The following ZNF790 variants were observed in gnomAD, a reference collection of about 807,000 sequenced individuals.
ZNF790 encodes the protein zinc finger protein 790.
A neutral mutation model predicts 12.1 loss-of-function variants in ZNF790; 8 were observed. That is an observed-to-expected ratio of 0.66 (90% CI 0.39 to 1.19). The LOEUF (loss-of-function observed/expected upper bound fraction) is 1.19. Among genes scored for constraint, ZNF790 ranks in the 50% most tolerant of loss-of-function variants. The pLI is 0.01. For missense variants in ZNF790, 707 were observed against 752.2 expected, an observed-to-expected ratio of 0.94 and a Z score of 0.70; for synonymous variants, 252 against 244.3, an observed-to-expected ratio of 1.03 and a Z score of -0.29.
upstream of ZNF790, chr19:36,850,380 C>T (rs1046798754): frequency 6.6e-6 from 1 of 152,256 alleles, no homozygotes; most frequent in Non-Finnish European, 1.5e-5. Context: ...AAAGCTTGCC[C>T]CAGAGGACTT....
rs984962767 is a variant in ZNF790, at chr19:36,817,795, AT to A, written c.*637del. The A allele has an allele frequency of 1.3e-5, 2 of 152,274 alleles. No homozygotes were observed. The highest frequency in any genetic ancestry group is 1.3e-4 in the Admixed American group (2 of 15,284). The allele number at this position is 152,274 out of a possible 1,614,324, so 9.4% of individuals were successfully genotyped here. A position where few individuals can be genotyped will look rare whatever the true frequency, so the allele number is the denominator to read the frequency against. Reference sequence around the variant, plus strand: ...AACAGAATTTTGCTAATGATGAAAGATTTCCAAAATGAATTATATATAAATT... The same window carrying A: ...AACAGAATTTTGCTAATGATGAAAGATTCCAAAATGAATTATATATAAATT... On this transcript the variant is annotated 3_prime_UTR_variant, in exon 5 of 5. Coordinates refer to ENST00000356725, the MANE Select transcript of ZNF790 (RefSeq NM_206894.4).
At chr19:36,836,959 T>C (rs1040431443) in intron 1 of ZNF790, among the ~76,000 whole-genome samples, 2 of 152,168 alleles carry the variant, frequency 1.3e-5, no homozygotes, top group African/African-American at 4.8e-5. Flanking sequence ...GTCTCACTTT[T>C]GCTGTTCTCC....
chr19:36,825,133 A>G (rs1244407495), intron 2 of ZNF790, among the ~76,000 whole-genome samples: 2 of 152,214 alleles, frequency 1.3e-5, no homozygotes, highest in Non-Finnish European at 2.9e-5. Flanking sequence ...AAAATCCCAG[A>G]TCTCTTTGAA....
chr19:36,828,463 CAA>C (rs957484149), intron 1 of ZNF790, among the ~76,000 whole-genome samples: 10 of 116,692 alleles, frequency 8.6e-5, no homozygotes, highest in African/African-American at 9.5e-5. Flanking sequence ...AACCCCTTCT[CAA>C]AAAAAAAAAA....
upstream of ZNF790, among the ~76,000 whole-genome samples, chr19:36,840,552 T>C (rs1261989514): frequency 6.6e-6 from 1 of 152,184 alleles, no homozygotes; most frequent in African/African-American, 2.4e-5. Flanking sequence ...GCCTAACACA[T>C]ACCAGAATTT....
Position 36,848,439 on chromosome 19 carries a change from GT to G in ZNF790, c.-74+1562del, listed in dbSNP as rs2072200464. Reference sequence around the variant, plus strand: ...ACCCCACAGGCGTTTTCTTTTTTCTGTTTTTTAGGAGACATTGGTGGGGTAA... The same window carrying G: ...ACCCCACAGGCGTTTTCTTTTTTCTGTTTTTAGGAGACATTGGTGGGGTAA... On this transcript the variant is annotated intron_variant, in intron 1 of 4. Coordinates refer to the ZNF790 transcript ENST00000528994. Among the ~76,000 whole-genome samples, 6 of 152,022 alleles carry G rather than the reference GT, an allele frequency of 3.9e-5. No individual in the cohort carries two copies. The South Asian group carries it at 1.3e-3, about 32-fold the overall frequency.
intron 1 of ZNF790, among the ~76,000 whole-genome samples, chr19:36,834,890 G>A (rs957069280): frequency 1.3e-5 from 2 of 152,192 alleles, no homozygotes; most frequent in African/African-American, 4.8e-5. Flanking sequence ...CCATGATCTT[G>A]AGCATGCTAA....
In ZNF790 at chr19:36,819,692, T is replaced by G; in HGVS notation, c.652A>C (p.Thr218Pro). 6.2e-7 allele frequency: 1 copy of G among 1,613,564 alleles called. No homozygotes were observed. Among genetic ancestry groups the G allele is most frequent in the Non-Finnish European group, 8.5e-7 (1 of 1,179,762 alleles). The change falls in exon 5 of 5, where the codon ACA becomes CCA. Residue 218 changes from threonine (T) to proline (P), a missense_variant. Physicochemically the swap from Thr to Pro is conservative, Grantham distance 38. Transcript: ENST00000356725. The stretch of plus-strand genomic sequence containing the variant: ...TATGTTTTCTTAACAGTGTGAACTG[T>G]CTGATATTGAATAACTTCTGAATCA... Reference protein sequence around the residue: ...LPDSEVIQYQTVHTVKKTYEC... With the variant: ...LPDSEVIQYQPVHTVKKTYEC...
intron 1 of ZNF790, among the ~76,000 whole-genome samples, chr19:36,826,620 C>CTATA (rs10650852): frequency 0.77 from 111,708 of 144,692 alleles, 43,806 homozygotes; most frequent in African/African-American, 0.86. Context: ...TTATAATTAT[C>CTATA]TATAATTATA....
chr19:36,819,498 A>AT lies in ZNF790; in HGVS notation c.845dup (p.Tyr282Ter), dbSNP rs2071618709. The AT allele has an allele frequency of 1.9e-6, 3 of 1,612,202 alleles. No individual in the cohort carries two copies. The highest frequency in any genetic ancestry group is 2.5e-6 in the Non-Finnish European group (3 of 1,178,878). Residue 282 changes from tyrosine to a stop codon, truncating the protein, a stop_gained and frameshift_variant, in exon 5 of 5, where the codon TAT becomes TAAT. Transcript: ENST00000356725. LOFTEE classifies it low-confidence loss of function (END_TRUNC). ...HKRIHTGEKS[Y>*]ECKECGKAFS... is the part of the protein sequence containing the mutation. ...AGGCCTTCCCACATTCCTTACATTCATAAGATTTCTCACCAGTATGAATTC... is the reference window on the plus strand; with the variant it reads ...AGGCCTTCCCACATTCCTTACATTCATTAAGATTTCTCACCAGTATGAATTC...
intron 1 of ZNF790, among the ~76,000 whole-genome samples, chr19:36,835,320 C>T (rs1453604318): frequency 1.3e-5 from 2 of 152,098 alleles, no homozygotes; most frequent in African/African-American, 4.8e-5. Context: ...TTCATTAATA[C>T]ACCTCTCTCA....
Position 36,847,118 on chromosome 19 carries a change from G to A in ZNF790, c.-74+2884C>T, listed in dbSNP as rs1568345329. On this transcript the variant is annotated intron_variant, in intron 1 of 4. Transcript: ENST00000528994. ...CACCTGTAATCCCAGCACTTTGAGAGGCCAAGGCAGGCAGATCATGAGGTT... is the reference window on the plus strand; with the variant it reads ...CACCTGTAATCCCAGCACTTTGAGAAGCCAAGGCAGGCAGATCATGAGGTT... 2.6e-5 allele frequency among the ~76,000 whole-genome samples: 4 copies of A among 152,276 alleles called. No individual in the cohort carries two copies. The South Asian group carries it at 8.3e-4, about 32-fold the overall frequency.
rs117284588 is a variant in ZNF790, at chr19:36,846,119, C to G, written c.-74+3883G>C. Among the ~76,000 whole-genome samples, 965 of 151,892 alleles carry G rather than the reference C, an allele frequency of 6.4e-3. 7 individuals are homozygous for G. Among genetic ancestry groups the G allele is most frequent in the Middle Eastern group, 0.014 (4 of 294 alleles). On this transcript the variant is annotated intron_variant, in intron 1 of 4. Transcript: ENST00000528994. ...CCACCACACCTGGCCCCAATCTTAT[C>G]TTTATCTGGAATATGATATATTTCA... is the stretch of plus-strand genomic sequence containing the variant.
chr19:36,823,847 T>A, intron 2 of ZNF790, 57 bp from the exon 3 acceptor site: 1 of 1,504,366 alleles, frequency 6.6e-7, no homozygotes, highest in Non-Finnish European at 9.0e-7. Flanking sequence ...ATAATTATAA[T>A]CCCTATAGAT....
upstream of ZNF790, among the ~76,000 whole-genome samples, chr19:36,839,528 A>C (rs1393424702): frequency 6.6e-6 from 1 of 152,078 alleles, no homozygotes; most frequent in Admixed American, 6.5e-5. Flanking sequence ...AGCCTCCAGA[A>C]TAGCTGGGAC....
chr19:36,827,117 TACACAC>T (rs760453936), intron 1 of ZNF790, among the ~76,000 whole-genome samples: 4 of 60,932 alleles, frequency 6.6e-5, no homozygotes, highest in African/African-American at 1.9e-4. Flanking sequence ...TATATACACA[TACACAC>T]ACACACACAC....
upstream of ZNF790, among the ~76,000 whole-genome samples, chr19:36,842,960 G>C (rs1024415257): frequency 7.3e-6 from 1 of 136,320 alleles, no homozygotes; most frequent in Admixed American, 8.3e-5. Flanking sequence ...AGCCAAGATC[G>C]CACCACCACA....
chr19:36,822,871 G>A (rs2071705369), intron 4 of ZNF790, among the ~76,000 whole-genome samples: 1 of 151,536 alleles, frequency 6.6e-6, no homozygotes, highest in East Asian at 1.9e-4. Context: ...TTTCCCCTGA[G>A]ACAGAGTCTC....
In ZNF790 at chr19:36,822,207, C is replaced by T. The variant is rs571352879; in HGVS notation, c.229+1078G>A. ...AGAACTAATAAATGCAGGCAATGTA[C>T]AATCAAGGAGAAGATAGGAAAAATG... On this transcript the variant is annotated intron_variant, in intron 4 of 4. Coordinates refer to ENST00000356725, the MANE Select transcript of ZNF790 (RefSeq NM_206894.4). Among the ~76,000 whole-genome samples the T allele has an allele frequency of 1.3e-3, 205 of 151,956 alleles. 1 individual carries two copies. The highest frequency in any genetic ancestry group is 2.0e-3 in the Non-Finnish European group (138 of 67,972).
Sources: gnomAD v4.1 joint callset for allele counts (sites outside exome capture counted in the v4.1 genomes callset) on GRCh38, gnomAD v4.1.1 for gene constraint, MANE v1.5 for transcripts, NCBI Gene and HGNC (gene_info 2026-07-23, HGNC 2026-07-21) for gene names.